SOX5: variants seen among roughly 807,000 people sequenced by gnomAD.
SOX5 encodes the protein transcription factor SOX-5.
Under a neutral mutation model 92.0 loss-of-function variants are expected in SOX5, and 9 were observed. That is an observed-to-expected ratio of 0.10 (90% CI 0.06 to 0.17). The LOEUF is 0.17. Ranked by LOEUF, SOX5 falls within the 10% of genes least tolerant of loss-of-function variation. The pLI, the probability that SOX5 is intolerant of heterozygous loss-of-function variation, is 1.00. For missense variants in SOX5, 642 were observed against 944.5 expected, an observed-to-expected ratio of 0.68 and a Z score of 4.20; for synonymous variants, 344 against 336.3, an observed-to-expected ratio of 1.02 and a Z score of -0.25.
At chr12:24,244,498 G>A (rs994933622) in intron 3 of SOX5, among the ~76,000 whole-genome samples, 2 of 152,158 alleles carry the variant, frequency 1.3e-5, no homozygotes, top group Non-Finnish European at 2.9e-5. Flanking sequence ...GCAGGAAAAA[G>A]GTGAATGGTT....
At chr12:23,692,220 G>A (rs2088953066) in intron 6 of SOX5, among the ~76,000 whole-genome samples, 1 of 151,882 alleles carries the variant, frequency 6.6e-6, no homozygotes, top group African/African-American at 2.4e-5. Flanking sequence ...ATCACCTGAG[G>A]TCAGGAGTTA....
At chr12:24,366,941 A>G (rs900728335) in intron 2 of SOX5, among the ~76,000 whole-genome samples, 1 of 152,050 alleles carries the variant, frequency 6.6e-6, no homozygotes, top group Non-Finnish European at 1.5e-5. Flanking sequence ...GGAGAAAAGA[A>G]AAAAAAAGGA....
chr12:23,739,901 T>C (rs2093734897), intron 5 of SOX5, among the ~76,000 whole-genome samples: 1 of 152,238 alleles, frequency 6.6e-6, no homozygotes, highest in African/African-American at 2.4e-5. Flanking sequence ...CACTATATAA[T>C]ATCATTTTGT....
chr12:24,349,453 G>A (rs1012311603), intron 2 of SOX5, among the ~76,000 whole-genome samples: 1 of 151,942 alleles, frequency 6.6e-6, no homozygotes, highest in African/African-American at 2.4e-5. Context: ...TCCACCCCCT[G>A]GCAACCACCA....
At chr12:24,088,295 T>C (rs938367516) in intron 4 of SOX5, among the ~76,000 whole-genome samples, 4 of 152,134 alleles carry the variant, frequency 2.6e-5, no homozygotes, top group Non-Finnish European at 5.9e-5. Context: ...CCTGTAATTA[T>C]AAGCTCTGAA....
At chr12:24,283,925 A>G (rs1030537972) in intron 2 of SOX5, among the ~76,000 whole-genome samples, 9 of 152,172 alleles carry the variant, frequency 5.9e-5, no homozygotes, top group Admixed American at 3.3e-4. Flanking sequence ...GCTAAAGTAG[A>G]GTTTGTCTGA....
At chr12:24,151,657 G>C (rs377636638) in intron 4 of SOX5, among the ~76,000 whole-genome samples, 2 of 151,906 alleles carry the variant, frequency 1.3e-5, no homozygotes, top group Non-Finnish European at 2.9e-5. Flanking sequence ...GTGTTTGAAA[G>C]GCAACTCCTT....
intron 1 of SOX5, among the ~76,000 whole-genome samples, chr12:24,479,504 C>A (rs1451016102): frequency 6.6e-6 from 1 of 152,150 alleles, no homozygotes; most frequent in African/African-American, 2.4e-5. Flanking sequence ...AAATAACTCA[C>A]CTAAGACCAC....
At chr12:24,427,031 T>C (rs935018829) in intron 1 of SOX5, among the ~76,000 whole-genome samples, 4 of 152,246 alleles carry the variant, frequency 2.6e-5, no homozygotes, top group Admixed American at 1.3e-4. Flanking sequence ...AATGCAATTA[T>C]TTGTTTACAT....
chr12:23,608,115 G>GAAAAAAAAAAAAAAA (rs772255622), intron 8 of SOX5, among the ~76,000 whole-genome samples: 2 of 44,086 alleles, frequency 4.5e-5, no homozygotes, highest in Non-Finnish European at 4.3e-5. Context: ...AAAGAAAAAA[G>GAAAAAAAAAAAAAAA]AAAAAAAAAA....
intron 2 of SOX5, among the ~76,000 whole-genome samples, chr12:24,351,992 G>C (rs1164696045): frequency 1.3e-5 from 2 of 152,248 alleles, no homozygotes; most frequent in African/African-American, 4.8e-5. Context: ...GACTGTGAAA[G>C]AGAAAGCTGC....
At chr12:24,496,475 T>G (rs1291674562) in intron 1 of SOX5, among the ~76,000 whole-genome samples, 1 of 152,184 alleles carries the variant, frequency 6.6e-6, no homozygotes, top group African/African-American at 2.4e-5. Flanking sequence ...TCTAAGGAAG[T>G]GAAAATTCCA....
chr12:24,538,598 A>AACACACACACACACACACACACAC (rs60114784), intron 1 of SOX5, among the ~76,000 whole-genome samples: 3 of 143,752 alleles, frequency 2.1e-5, no homozygotes, highest in South Asian at 2.3e-4. Flanking sequence ...GCTGGATCTA[A>AACACACACACACACACACACACAC]ACACACACAC....
chr12:24,032,733 C>G (rs1216281054), intron 4 of SOX5, among the ~76,000 whole-genome samples: 1 of 151,780 alleles, frequency 6.6e-6, no homozygotes, highest in Non-Finnish European at 1.5e-5. Context: ...GTTATAGTTA[C>G]TATCCGAAAG....
At position 23,600,548 on chromosome 12, in the gene SOX5, TATATACAC is replaced by T. The variant is rs1012372900; in HGVS notation, c.1164+3831_1164+3838del. Among the ~76,000 whole-genome samples the T allele has an allele frequency of 2.8e-4, 35 of 126,236 alleles. 4 individuals are homozygous for T. The highest frequency in any genetic ancestry group is 3.9e-3 in the Middle Eastern group (1 of 254). 82.8% of individuals were successfully genotyped at this position (126,236 alleles called of 152,430 possible). A position where few individuals can be genotyped will look rare whatever the true frequency, so the allele number is the denominator to read the frequency against. Reference sequence around the variant, plus strand: ...ATATATATATATATATATATATATATATATACACATACTTGGCTTGGGACTAAAAAAAC... The same window carrying T: ...ATATATATATATATATATATATATATATACTTGGCTTGGGACTAAAAAAAC... On this transcript the variant is annotated intron_variant, in intron 9 of 14. Coordinates refer to ENST00000451604, the MANE Select transcript of SOX5 (RefSeq NM_006940.6).
At chr12:23,552,494 G>C (rs1230669694) in intron 11 of SOX5, among the ~76,000 whole-genome samples, 7 of 151,636 alleles carry the variant, frequency 4.6e-5, no homozygotes, top group Non-Finnish European at 1.0e-4. Context: ...GAAAAAAAAA[G>C]GTTTGAGTAG....
At chr12:24,138,466 C>A (rs1950292906) in intron 4 of SOX5, among the ~76,000 whole-genome samples, 3 of 152,234 alleles carry the variant, frequency 2.0e-5, no homozygotes, top group African/African-American at 7.2e-5. Flanking sequence ...TCTTTGCTAA[C>A]ATAGCCAGTG....
chr12:23,735,050 A>C (rs1178890687), intron 5 of SOX5, among the ~76,000 whole-genome samples: 2 of 152,214 alleles, frequency 1.3e-5, no homozygotes, highest in Non-Finnish European at 1.5e-5. Flanking sequence ...GTGATATATT[A>C]AGAAGGCGCT....
chr12:24,522,041 C>A (rs1254495245), intron 1 of SOX5, among the ~76,000 whole-genome samples: 1 of 151,054 alleles, frequency 6.6e-6, no homozygotes, highest in Non-Finnish European at 1.5e-5. Context: ...ACCTTAGATA[C>A]ACCAAGAAAA....
Sources: gnomAD v4.1 joint callset for allele counts (sites outside exome capture counted in the v4.1 genomes callset) on GRCh38, gnomAD v4.1.1 for gene constraint, MANE v1.5 for transcripts, NCBI Gene and HGNC (gene_info 2026-07-23, HGNC 2026-07-21) for gene names.